Variants in MET observed in about 807,000 individuals in gnomAD.
MET encodes the protein hepatocyte growth factor receptor.
MET carries 48 observed loss-of-function variants against 133.1 expected under a neutral mutation model. That is an observed-to-expected ratio of 0.36 (90% confidence interval 0.29 to 0.46). The LOEUF (loss-of-function observed/expected upper bound fraction) is 0.46. Among genes scored for constraint, MET ranks in the 20% least tolerant of loss-of-function variants. The probability of loss-of-function intolerance (pLI) is 1.00; values close to 1 mark genes in which losing one functional copy is unlikely to be tolerated. For synonymous variants in MET, 628 were observed against 616.5 expected (o/e 1.02, Z -0.28); for missense variants, 1,442 against 1,695.9 (o/e 0.85, Z 2.63).
chr7:116,743,047 T>A (rs971972003), intron 5 of MET, among the ~76,000 whole-genome samples: 1 of 152,176 alleles, frequency 6.6e-6, no homozygotes, highest in African/African-American at 2.4e-5. Flanking sequence ...GCTCATCTCA[T>A]TGGGACTGGT....
intron 3 of MET, among the ~76,000 whole-genome samples, chr7:116,735,668 A>G (rs1793182944): frequency 6.6e-6 from 1 of 151,920 alleles, no homozygotes; most frequent in Middle Eastern, 3.2e-3. Context: ...CTCTTTAGGG[A>G]TTTCTAACTT....
At chr7:116,730,199 T>C (rs1221139844) in intron 2 of MET, among the ~76,000 whole-genome samples, 2 of 151,946 alleles carry the variant, frequency 1.3e-5, no homozygotes, top group East Asian at 1.9e-4. Flanking sequence ...TGAATGAAGG[T>C]GGAAGGAGCA....
intron 2 of MET, among the ~76,000 whole-genome samples, chr7:116,731,218 C>T (rs550682942): frequency 3.9e-5 from 6 of 152,286 alleles, no homozygotes; most frequent in African/African-American, 1.4e-4. Flanking sequence ...TTAACCACCA[C>T]TCCCTACCAT....
chr7:116,781,727 C>T (rs1029955797), intron 17 of MET, among the ~76,000 whole-genome samples: 2 of 152,136 alleles, frequency 1.3e-5, no homozygotes, highest in African/African-American at 4.8e-5. Flanking sequence ...ACCACCACAC[C>T]AGGCTAATTT....
rs535714239 is a variant in MET at position 116,727,318 on chromosome 7, A to G, written c.1201-4350A>G. On this transcript the variant is annotated intron_variant, in intron 2 of 20. Transcript: ENST00000397752. ...GAGCTGTTCTCTGATGCCTGCTCCA[A>G]TGGGAACTGGGCACTGTGACTGAGC... 1.4e-3 allele frequency among the ~76,000 whole-genome samples: 214 copies of G among 152,284 alleles called. 1 individual carries two copies. Among genetic ancestry groups the G allele is most frequent in the African/African-American group, 5.0e-3 (206 of 41,546 alleles).
rs2116833711 is a variant in MET, at chr7:116,740,853, T to A, written c.1529T>A (p.Ile510Asn). 6.2e-7 allele frequency: 1 copy of A among 1,614,064 alleles called. No individual in the cohort carries two copies. The highest frequency in any genetic ancestry group is 8.5e-7 in the Non-Finnish European group (1 of 1,180,030). ...GYTLVITGKK[I>N]TKIPLNGLGC... The stretch of plus-strand genomic sequence containing the variant: ...TCTTTCCACCCCTTCTCTTCACAGA[T>A]CACGAAGATCCCATTGAATGGCTTG... The change falls in exon 5 of 21, where the codon ATC (isoleucine) becomes AAC (asparagine). Residue 510 changes from isoleucine to asparagine, a missense_variant and splice_region_variant. Around this residue, in one of 6 missense-constraint regions of MET, gnomAD observed 762 missense variants for 792.4 expected, o/e 0.96. Coordinates refer to ENST00000397752, the MANE Select transcript of MET (RefSeq NM_000245.4).
intron 19 of MET, among the ~76,000 whole-genome samples, chr7:116,794,812 A>T (rs1795620404): frequency 6.6e-6 from 1 of 152,222 alleles, no homozygotes. Flanking sequence ...TCATTCTTGC[A>T]TGGGCACATG....
intron 2 of MET, among the ~76,000 whole-genome samples, chr7:116,726,171 A>ACACACACACACAC (rs71148331): frequency 2.4e-5 from 3 of 122,626 alleles, no homozygotes; most frequent in African/African-American, 6.1e-5. Context: ...ATATATATAT[A>ACACACACACACAC]TATATATGGG....
In MET at chr7:116,777,465, G is replaced by A. The variant is rs1488332998; in HGVS notation, c.3336G>A (p.Leu1112=). The A allele has an allele frequency of 1.2e-6, 2 of 1,613,726 alleles. No individual in the cohort carries two copies. Among genetic ancestry groups the A allele is most frequent in the Non-Finnish European group, 1.7e-6 (2 of 1,179,760 alleles). Reference sequence around the variant, plus strand: ...AAATTCACTGTGCTGTGAAATCCTTGAACAGTAAGTGGCATTTTATTTAAC... The same window carrying A: ...AAATTCACTGTGCTGTGAAATCCTTAAACAGTAAGTGGCATTTTATTTAAC... The part of the protein sequence containing the change: ...GKKIHCAVKS[L]NRITDIGEVS... The change falls in exon 16 of 21, where the codon TTG becomes TTA. Residue 1112 remains leucine, a synonymous_variant. Transcript: ENST00000397752.
At chr7:116,782,736 A>T (rs1431488064) in intron 18 of MET, among the ~76,000 whole-genome samples, 7 of 152,224 alleles carry the variant, frequency 4.6e-5, no homozygotes, top group Non-Finnish European at 1.0e-4. Context: ...TAAACAGAGG[A>T]TGCATAGCCC....
At chr7:116,769,575 C>G (rs1217665419) in intron 11 of MET, 70 bp from the exon 12 acceptor site, 1 of 1,572,994 alleles carries the variant, frequency 6.4e-7, no homozygotes, top group East Asian at 2.2e-5. Flanking sequence ...ATTTATATTC[C>G]TTTGCCATTG....
At chr7:116,679,609 A>G (rs1182374291) in intron 1 of MET, among the ~76,000 whole-genome samples, 1 of 152,238 alleles carries the variant, frequency 6.6e-6, no homozygotes, top group Non-Finnish European at 1.5e-5. Context: ...CAGCAAGTCC[A>G]AACAGGCTTA....
chr7:116,767,166 A>G (rs972320100), intron 11 of MET, among the ~76,000 whole-genome samples: 2 of 151,320 alleles, frequency 1.3e-5, no homozygotes, highest in Non-Finnish European at 2.9e-5. Flanking sequence ...AACTTGAAGG[A>G]CCCTCCTCTC....
At chr7:116,706,207 G>A (rs930902737) in intron 2 of MET, among the ~76,000 whole-genome samples, 6 of 152,078 alleles carry the variant, frequency 3.9e-5, no homozygotes, top group African/African-American at 1.2e-4. Flanking sequence ...GGAATGAAGC[G>A]TTAACTATGC....
chr7:116,755,032 G>GAA (rs1343180032), intron 5 of MET, among the ~76,000 whole-genome samples: 4 of 151,402 alleles, frequency 2.6e-5, no homozygotes, highest in Admixed American at 2.6e-4. Context: ...AAGAAAGAAA[G>GAA]AAAGAAAGAA....
At chr7:116,695,634 G>C (rs865895969) in intron 1 of MET, 3 of 321,494 alleles carry the variant, frequency 9.3e-6, no homozygotes, top group Middle Eastern at 4.0e-4. Context: ...AAGCACTTAA[G>C]AGCATGGATG....
intron 1 of MET, 134 bp from the exon 2 acceptor site, chr7:116,698,937 G>C: frequency 8.1e-7 from 1 of 1,230,002 alleles, no homozygotes; most frequent in Non-Finnish European, 1.1e-6. Flanking sequence ...AAACTTGCTA[G>C]AGTTTTTGTT....
At chr7:116,778,989 A>G (rs373030124) in intron 17 of MET, 32 bp downstream of exon 17, 1 of 1,609,804 alleles carries the variant, frequency 6.2e-7, no homozygotes, top group Non-Finnish European at 8.5e-7. Flanking sequence ...CTAACTGGCA[A>G]ACTAGCTGTA....
At chr7:116,785,421 G>A (rs967455974) in intron 19 of MET, among the ~76,000 whole-genome samples, 3 of 152,146 alleles carry the variant, frequency 2.0e-5, no homozygotes, top group African/African-American at 7.2e-5. Context: ...GGGAGGGGGA[G>A]CATCTTATAT....
Sources: gnomAD v4.1 joint callset for allele counts (sites outside exome capture counted in the v4.1 genomes callset) on GRCh38, gnomAD v4.1.1 for gene constraint, gnomAD v4.1.1 regional missense constraint, MANE v1.5 for transcripts, NCBI Gene and HGNC (gene_info 2026-07-23, HGNC 2026-07-21) for gene names.